The following NEDD4L variants were observed in gnomAD, a reference collection of about 807,000 sequenced individuals.
NEDD4L encodes the protein E3 ubiquitin-protein ligase NEDD4-like.
A neutral mutation model predicts 148.9 loss-of-function variants in NEDD4L; 54 were observed. That is an observed-to-expected ratio of 0.36 (90% CI 0.29 to 0.45). NEDD4L has a LOEUF of 0.45. Ranked by LOEUF, NEDD4L falls within the 20% of genes least tolerant of loss-of-function variation. NEDD4L has a pLI of 1.00. For missense variants in NEDD4L, 856 were observed against 1,233.8 expected (o/e 0.69, Z 4.59); for synonymous variants, 433 against 440.7 (o/e 0.98, Z 0.22).
chr18:58,144,606 C>T (rs1460635133), intron 1 of NEDD4L, among the ~76,000 whole-genome samples: 2 of 152,034 alleles, frequency 1.3e-5, no homozygotes, highest in Non-Finnish European at 2.9e-5. Flanking sequence ...ATTTTGTCTA[C>T]TGTATTTTAA....
At chr18:58,112,404 ATTTATTTT>A (rs1287060414) in intron 1 of NEDD4L, among the ~76,000 whole-genome samples, 1 of 128,814 alleles carries the variant, frequency 7.8e-6, no homozygotes, top group Admixed American at 7.8e-5. Context: ...TTATTTATTT[ATTTATTTT>A]TGCCTACTTC....
At chr18:58,104,249 T>C (rs748324454) in intron 1 of NEDD4L, among the ~76,000 whole-genome samples, 3 of 152,182 alleles carry the variant, frequency 2.0e-5, no homozygotes, top group Non-Finnish European at 4.4e-5. Context: ...ATATGAACGA[T>C]CTTGGTAAAT....
At chr18:58,215,831 A>T (rs1457037509) in intron 2 of NEDD4L, among the ~76,000 whole-genome samples, 1 of 152,218 alleles carries the variant, frequency 6.6e-6, no homozygotes, top group Non-Finnish European at 1.5e-5. Context: ...TCGCATCATA[A>T]CATAGATATA....
intron 1 of NEDD4L, among the ~76,000 whole-genome samples, chr18:58,141,349 A>G (rs1360056602): frequency 2.6e-5 from 4 of 152,252 alleles, no homozygotes; most frequent in African/African-American, 9.6e-5. Context: ...AGACAGGCAC[A>G]TATGGTTTGT....
chr18:58,287,773 C>G (rs183190219), intron 5 of NEDD4L, among the ~76,000 whole-genome samples: 17 of 152,096 alleles, frequency 1.1e-4, no homozygotes, highest in Admixed American at 2.6e-4. Flanking sequence ...GGTCATTGTC[C>G]TTTTGTGAGT....
At chr18:58,335,692 G>T in intron 13 of NEDD4L, 155 bp downstream of exon 13, 2 of 637,844 alleles carry the variant, frequency 3.1e-6, no homozygotes, top group Non-Finnish European at 5.7e-6. Flanking sequence ...TCTCATTTGG[G>T]GATTGTTTAA....
chr18:58,044,779 A>C, intron 1 of NEDD4L, 71 bp downstream of exon 1: 2 of 1,559,792 alleles, frequency 1.3e-6, no homozygotes, highest in Middle Eastern at 1.7e-4. Flanking sequence ...GGGGAGGGGA[A>C]AGGGGCCGTC....
chr18:58,258,687 A>G (rs2048930905), intron 5 of NEDD4L, among the ~76,000 whole-genome samples: 1 of 152,206 alleles, frequency 6.6e-6, no homozygotes, highest in Admixed American at 6.5e-5. Flanking sequence ...GCATTTTCAT[A>G]TGTATGTATT....
intron 2 of NEDD4L, among the ~76,000 whole-genome samples, chr18:58,187,094 A>G (rs1364288332): frequency 6.6e-6 from 1 of 152,220 alleles, no homozygotes; most frequent in Non-Finnish European, 1.5e-5. Flanking sequence ...CTCAGTAGGA[A>G]GGGCCGAGCA....
chr18:58,368,243 TC>T (rs2046365829), intron 22 of NEDD4L, among the ~76,000 whole-genome samples: 1 of 111,918 alleles, frequency 8.9e-6, no homozygotes, highest in South Asian at 3.0e-4. Context: ...ATTGCGTTTG[TC>T]CCCAAATTAT....
intron 2 of NEDD4L, among the ~76,000 whole-genome samples, chr18:58,186,521 C>G (rs780134686): frequency 2.0e-5 from 3 of 152,190 alleles, no homozygotes; most frequent in South Asian, 2.1e-4. Flanking sequence ...ATCATTCTCT[C>G]TATTCTGATT....
intron 2 of NEDD4L, among the ~76,000 whole-genome samples, chr18:58,214,470 T>C (rs1434086689): frequency 6.6e-6 from 1 of 152,204 alleles, no homozygotes; most frequent in African/African-American, 2.4e-5. Flanking sequence ...AGTGGGATCA[T>C]CTGTAGAGCA....
Position 58,044,500 on chromosome 18 carries a change from C to G in NEDD4L, c.-161C>G. 1 of 993,956 alleles carries G rather than the reference C, an allele frequency of 1.0e-6. No individual in the cohort carries two copies. Among genetic ancestry groups the G allele is most frequent in the Non-Finnish European group, 1.3e-6 (1 of 764,088 alleles). The allele number at this position is 993,956 out of a possible 1,614,324, so 61.6% of individuals were successfully genotyped here. A position where few individuals can be genotyped will look rare whatever the true frequency, so the allele number is the denominator to read the frequency against. On this transcript the variant is annotated 5_prime_UTR_variant, in exon 1 of 31. Coordinates refer to ENST00000400345, the MANE Select transcript of NEDD4L (RefSeq NM_001144967.3). Reference sequence around the variant, plus strand: ...GCCGGCAGCGTCCAGGGCGCGCTCTCGGGCACCCTCACCTGCCGGCGCCCG... The same window carrying G: ...GCCGGCAGCGTCCAGGGCGCGCTCTGGGGCACCCTCACCTGCCGGCGCCCG...
At chr18:58,296,934 A>T (rs868284039) in intron 5 of NEDD4L, among the ~76,000 whole-genome samples, 2,291 of 151,542 alleles carry the variant, frequency 0.015, 59 homozygotes, top group African/African-American at 0.053. Flanking sequence ...AAAAAGAAAA[A>T]AAGTTAAACG....
intron 1 of NEDD4L, among the ~76,000 whole-genome samples, chr18:58,048,557 A>G (rs1189752400): frequency 1.3e-5 from 2 of 152,242 alleles, no homozygotes; most frequent in East Asian, 1.9e-4. Flanking sequence ...AGTTTTTAAC[A>G]TGCTGAATAT....
At chr18:58,364,469 GA>G (rs1175387322) in intron 20 of NEDD4L, 136 bp downstream of exon 20, 3 of 595,792 alleles carry the variant, frequency 5.0e-6, no homozygotes, top group Non-Finnish European at 8.8e-6. Context: ...TCTGCACTTT[GA>G]TCCTCCTGGT....
intron 5 of NEDD4L, among the ~76,000 whole-genome samples, chr18:58,280,896 A>G (rs930566894): frequency 1.3e-5 from 2 of 152,172 alleles, no homozygotes; most frequent in African/African-American, 4.8e-5. Flanking sequence ...TTAATCAACA[A>G]AATGACTTAT....
chr18:58,393,197 T>G (rs982484105), intron 30 of NEDD4L, among the ~76,000 whole-genome samples: 1 of 152,214 alleles, frequency 6.6e-6, no homozygotes, highest in Non-Finnish European at 1.5e-5. Context: ...TGAACTGTCT[T>G]TTTTATTTCG....
intron 2 of NEDD4L, among the ~76,000 whole-genome samples, chr18:58,176,338 C>G (rs562379640): frequency 6.6e-6 from 1 of 152,104 alleles, no homozygotes; most frequent in African/African-American, 2.4e-5. Flanking sequence ...CTTTCTTCCT[C>G]ACCCTTTTTA....
Sources: gnomAD v4.1 joint callset for allele counts (sites outside exome capture counted in the v4.1 genomes callset) on GRCh38, gnomAD v4.1.1 for gene constraint, MANE v1.5 for transcripts, NCBI Gene and HGNC (gene_info 2026-07-23, HGNC 2026-07-21) for gene names.